The following LMBR1 variants were observed in gnomAD, a reference collection of about 807,000 sequenced individuals.
LMBR1 encodes the protein limb development membrane protein 1.
LMBR1 carries 52 observed loss-of-function variants against 73.9 expected under a neutral mutation model. The ratio of observed to expected loss-of-function variants is 0.70; its 90% CI spans 0.56 to 0.89. The LOEUF (loss-of-function observed/expected upper bound fraction) is 0.89. Among genes scored for constraint, LMBR1 ranks in the 40% least tolerant of loss-of-function variants. The pLI, the probability that LMBR1 is intolerant of heterozygous loss-of-function variation, is 0.00. For missense variants in LMBR1, 539 were observed against 579.8 expected (o/e 0.93, Z 0.72); for synonymous variants, 215 against 209.4 (o/e 1.03, Z -0.23).
intron 1 of LMBR1, among the ~76,000 whole-genome samples, chr7:156,888,299 A>G (rs893531584): frequency 1.7e-4 from 25 of 150,916 alleles, no homozygotes; most frequent in Non-Finnish European, 3.4e-4. Context: ...AGTCCCAGCT[A>G]CTCGGGAGGC....
At chr7:156,745,335 T>C (rs543348907) in intron 9 of LMBR1, among the ~76,000 whole-genome samples, 4 of 152,302 alleles carry the variant, frequency 2.6e-5, no homozygotes, top group Admixed American at 1.3e-4. Flanking sequence ...TAGATATCTA[T>C]CTTGGTCTTC....
At chr7:156,861,507 G>A (rs1797714127) in intron 1 of LMBR1, among the ~76,000 whole-genome samples, 1 of 152,186 alleles carries the variant, frequency 6.6e-6, no homozygotes, top group East Asian at 1.9e-4. Context: ...TTGTCTTGGG[G>A]ATTATCATTC....
At chr7:156,790,254 T>C (rs1415154772) in intron 5 of LMBR1, among the ~76,000 whole-genome samples, 3 of 152,074 alleles carry the variant, frequency 2.0e-5, no homozygotes, top group East Asian at 1.9e-4. Flanking sequence ...AGCTTTAACA[T>C]AGTTGGTGCA....
At chr7:156,745,529 C>T (rs1226800686) in intron 9 of LMBR1, among the ~76,000 whole-genome samples, 2 of 152,172 alleles carry the variant, frequency 1.3e-5, no homozygotes, top group South Asian at 2.1e-4. Context: ...GAGGAAACCT[C>T]GCTGGGTCTC....
At chr7:156,795,759 C>T (rs1192683365) in intron 5 of LMBR1, among the ~76,000 whole-genome samples, 1 of 152,106 alleles carries the variant, frequency 6.6e-6, no homozygotes, top group Admixed American at 6.6e-5. Context: ...CACTGTGTTG[C>T]CCAAACTGGT....
At chr7:156,852,435 T>C (rs1301010502) in intron 1 of LMBR1, among the ~76,000 whole-genome samples, 1 of 152,208 alleles carries the variant, frequency 6.6e-6, no homozygotes, top group Non-Finnish European at 1.5e-5. Context: ...TCCTGTACTA[T>C]CTGATGGATA....
rs1275091928 is a variant in LMBR1, at chr7:156,893,142, A to T, written c.-149T>A. The stretch of plus-strand genomic sequence containing the variant: ...TTGGAACAGGTACCGCGACCACGAC[A>T]CCGGCCGTCGCCTCAGCAGCCTCAG... On this transcript the variant is annotated 5_prime_UTR_variant, in exon 1 of 17. Transcript: ENST00000353442. The T allele has an allele frequency of 6.1e-6, 4 of 653,236 alleles. No individual in the cohort carries two copies. Among genetic ancestry groups the T allele is most frequent in the Non-Finnish European group, 8.7e-6 (4 of 462,180 alleles). The allele number at this position is 653,236 out of a possible 1,614,324, so 40.5% of individuals were successfully genotyped here. A position where few individuals can be genotyped will look rare whatever the true frequency, so the allele number is the denominator to read the frequency against.
chr7:156,889,310 G>T (rs147942690), intron 1 of LMBR1, among the ~76,000 whole-genome samples: 104 of 152,216 alleles, frequency 6.8e-4, no homozygotes, highest in African/African-American at 2.4e-3. Flanking sequence ...GCACAACAAT[G>T]TGAATGTATT....
At chr7:156,818,570 A>C (rs934946032) in intron 4 of LMBR1, among the ~76,000 whole-genome samples, 1 of 152,188 alleles carries the variant, frequency 6.6e-6, no homozygotes, top group Non-Finnish European at 1.5e-5. Flanking sequence ...TCTTATTTTG[A>C]TATTAAACTC....
chr7:156,787,950 T>A (rs886333337), intron 5 of LMBR1, among the ~76,000 whole-genome samples: 4 of 152,214 alleles, frequency 2.6e-5, no homozygotes, highest in Non-Finnish European at 5.9e-5. Flanking sequence ...CTAATTTTTA[T>A]ATTTTTAGTA....
At chr7:156,887,910 A>G (rs1802190887) in intron 1 of LMBR1, among the ~76,000 whole-genome samples, 3 of 152,240 alleles carry the variant, frequency 2.0e-5, no homozygotes, top group Admixed American at 6.5e-5. Flanking sequence ...CACATGAAAC[A>G]ATGCTGAACT....
intron 5 of LMBR1, among the ~76,000 whole-genome samples, chr7:156,791,814 C>T (rs1054629371): frequency 2.6e-5 from 4 of 152,160 alleles, no homozygotes; most frequent in African/African-American, 9.7e-5. Flanking sequence ...GATAATTGGT[C>T]AGGATGTTGC....
At chr7:156,773,423 C>T (rs1189241328) in intron 5 of LMBR1, among the ~76,000 whole-genome samples, 1 of 152,156 alleles carries the variant, frequency 6.6e-6, no homozygotes, top group African/African-American at 2.4e-5. Context: ...GGAGGTGTCA[C>T]ACTACCCAAC....
At chr7:156,864,415 A>G (rs1798163000) in intron 1 of LMBR1, among the ~76,000 whole-genome samples, 1 of 152,216 alleles carries the variant, frequency 6.6e-6, no homozygotes, top group Non-Finnish European at 1.5e-5. Flanking sequence ...CTCTATATTA[A>G]TATGTTTCAA....
intron 9 of LMBR1, among the ~76,000 whole-genome samples, chr7:156,750,611 T>G (rs1820699593): frequency 2.0e-5 from 3 of 152,164 alleles, no homozygotes. Context: ...AAATTTTACT[T>G]CCTCTTCCTT....
chr7:156,799,944 T>C (rs1040804086), intron 4 of LMBR1, among the ~76,000 whole-genome samples: 8 of 152,188 alleles, frequency 5.3e-5, no homozygotes, highest in Non-Finnish European at 7.3e-5. Context: ...AGCAAGGTTG[T>C]AACTCTTCAC....
chr7:156,852,963 G>A (rs1052783283), intron 1 of LMBR1, among the ~76,000 whole-genome samples: 1 of 148,856 alleles, frequency 6.7e-6, no homozygotes, highest in Non-Finnish European at 1.5e-5. Context: ...TTTTGAGACA[G>A]AGTCTCAATC....
intron 9 of LMBR1, 89 bp from the exon 10 acceptor site, chr7:156,734,346 A>T: frequency 1.4e-6 from 1 of 719,308 alleles, no homozygotes; most frequent in Non-Finnish European, 2.2e-6. Context: ...AAAATAACAC[A>T]TGGCAAATCC....
intron 3 of LMBR1, among the ~76,000 whole-genome samples, chr7:156,830,081 C>T (rs374674321): frequency 3.9e-5 from 6 of 152,126 alleles, no homozygotes; most frequent in African/African-American, 1.4e-4. Flanking sequence ...TTTTTAATTG[C>T]AATCTGAATG....
Sources: allele counts gnomAD v4.1 joint callset (sites outside exome capture counted in the v4.1 genomes callset), GRCh38; gene constraint gnomAD v4.1.1; transcripts MANE v1.5; gene names NCBI Gene and HGNC (gene_info 2026-07-23, HGNC 2026-07-21).